VASH1: variants seen among roughly 807,000 people sequenced by gnomAD.
The protein encoded by VASH1 is tubulinyl-Tyr carboxypeptidase 1.
A neutral mutation model predicts 35.0 loss-of-function variants in VASH1; 16 were observed. The ratio of observed to expected loss-of-function variants is 0.46; its 90% CI spans 0.31 to 0.70. The LOEUF (loss-of-function observed/expected upper bound fraction) is 0.70, where lower values mean the gene tolerates loss of function less well. Ranked by LOEUF, VASH1 falls within the 30% of genes least tolerant of loss-of-function variation. VASH1 has a pLI of 0.05. For synonymous variants in VASH1, 214 were observed against 200.9 expected (o/e 1.07, Z -0.55); for missense variants, 505 against 510.7 (o/e 0.99, Z 0.11).
Position 76,763,106 on chromosome 14 carries a change from C to A in VASH1, c.285C>A (p.Ile95=). Residue 95 remains isoleucine (I), a synonymous_variant, in exon 1 of 7, where the codon ATC becomes ATA. Transcript: ENST00000167106. ...HPDGEKVAQR[I]RGATDLPKIP... is the part of the protein sequence containing the mutation. Reference sequence around the variant, plus strand: ...ATGGAGAGAAGGTGGCGCAACGGATCCGTGGGGCCACAGACCTGCCCAAGG... The same window carrying A: ...ATGGAGAGAAGGTGGCGCAACGGATACGTGGGGCCACAGACCTGCCCAAGG... The A allele has an allele frequency of 6.7e-7, 1 of 1,492,674 alleles. No homozygotes were observed. Among genetic ancestry groups the A allele is most frequent in the Non-Finnish European group, 9.0e-7 (1 of 1,114,764 alleles). 92.5% of individuals were successfully genotyped at this position (1,492,674 alleles called of 1,614,324 possible). A position where few individuals can be genotyped will look rare whatever the true frequency, so the allele number is the denominator to read the frequency against.
chr14:76,766,214 GCAA>G (rs1445142319), intron 1 of VASH1, among the ~76,000 whole-genome samples: 1 of 152,132 alleles, frequency 6.6e-6, no homozygotes, highest in Non-Finnish European at 1.5e-5. Context: ...ATGTTATAGG[GCAA>G]CAATTTCTAG....
In VASH1 at chr14:76,762,796, C is replaced by T; in HGVS notation, c.-26C>T. 1 of 1,445,998 alleles carries T rather than the reference C, an allele frequency of 6.9e-7. No individual in the cohort carries two copies. Among genetic ancestry groups the T allele is most frequent in the Non-Finnish European group, 9.1e-7 (1 of 1,097,702 alleles). The allele number at this position is 1,445,998 out of a possible 1,614,324, so 89.6% of individuals were successfully genotyped here. ...TTGTGAGCCAGTTGTTTTCCCGCCT[C>T]CACCACCCCCCTCGAAGATTTAGGG... On this transcript the variant is annotated 5_prime_UTR_variant, in exon 1 of 7. Transcript: ENST00000167106.
intron 2 of VASH1, among the ~76,000 whole-genome samples, chr14:76,770,482 C>T (rs1893763294): frequency 1.3e-5 from 2 of 152,226 alleles, no homozygotes; most frequent in South Asian, 4.1e-4. Context: ...AAAGGATTTT[C>T]TGCTCCAGGA....
chr14:76,766,766 C>G (rs765574308), intron 1 of VASH1, among the ~76,000 whole-genome samples: 2 of 152,138 alleles, frequency 1.3e-5, no homozygotes, highest in African/African-American at 4.8e-5. Context: ...AAAAGGGTAA[C>G]GTTGCTGGGA....
chr14:76,776,480 A>G (rs561208964), intron 5 of VASH1, among the ~76,000 whole-genome samples: 70 of 152,038 alleles, frequency 4.6e-4, no homozygotes, highest in Non-Finnish European at 7.9e-4. Context: ...CTGGGTTTGG[A>G]TGGTGGTAGG....
At chr14:76,776,527 C>T (rs1039330344) in intron 5 of VASH1, among the ~76,000 whole-genome samples, 8 of 152,086 alleles carry the variant, frequency 5.3e-5, no homozygotes, top group African/African-American at 1.4e-4. Flanking sequence ...TGGAGAATCA[C>T]GGCCTGTCTG....
intron 1 of VASH1, among the ~76,000 whole-genome samples, chr14:76,764,870 G>A (rs1204897541): frequency 6.6e-6 from 1 of 152,010 alleles, no homozygotes; most frequent in African/African-American, 2.4e-5. Flanking sequence ...ATTTTTGGTA[G>A]AGATGGGGTT....
intron 2 of VASH1, 74 bp downstream of exon 2, chr14:76,770,125 G>C: frequency 7.0e-7 from 1 of 1,433,684 alleles, no homozygotes; most frequent in Non-Finnish European, 9.7e-7. Context: ...CAGAGCTGGA[G>C]AGGTATCAGC....
intron 1 of VASH1, among the ~76,000 whole-genome samples, chr14:76,768,731 T>C (rs1893709893): frequency 6.6e-6 from 1 of 152,122 alleles, no homozygotes; most frequent in Non-Finnish European, 1.5e-5. Flanking sequence ...CTTCCCTCCT[T>C]ACCCAGCCCT....
At position 76,762,864 on chromosome 14, in the gene VASH1, G is replaced by A; in HGVS notation, c.43G>A (p.Ala15Thr). Residue 15 changes from alanine (A) to threonine (T), a missense_variant, in exon 1 of 7, where the codon GCC (alanine) becomes ACC (threonine). Ala to Thr is a moderately conservative substitution (Grantham distance 58, BLOSUM62 0). Coordinates refer to ENST00000167106, the MANE Select transcript of VASH1 (RefSeq NM_014909.5). ...GGTGGCTGGGGGTGGCAGCAGCGGT[G>A]CCACTCCAACGTCCGCTGCGGCCAC... Reference protein sequence around the residue: ...KKVAGGGSSGATPTSAAATAP... With the variant: ...KKVAGGGSSGTTPTSAAATAP... 1 of 1,535,330 alleles carries A rather than the reference G, an allele frequency of 6.5e-7. No homozygotes were observed. Among genetic ancestry groups the A allele is most frequent in the Non-Finnish European group, 8.8e-7 (1 of 1,140,422 alleles).
chr14:76,776,267 G>C lies in VASH1; in HGVS notation c.906G>C (p.Arg302=), dbSNP rs1433240710. The C allele has an allele frequency of 6.3e-7, 1 of 1,589,452 alleles. No homozygotes were observed. Among genetic ancestry groups the C allele is most frequent in the Non-Finnish European group, 8.5e-7 (1 of 1,171,164 alleles). The change falls in exon 5 of 7, where the codon CGG becomes CGC. Residue 302 remains arginine, a synonymous_variant. Transcript: ENST00000167106. ...TGGAGCGCCACGCCCGCGACATGCG[G>C]CTCAAGGTCTGCCCGCCTTCCACGC... ...KELERHARDM[R]LKIGKGTGPP...
chr14:76,777,914 A>G, intron 5 of VASH1, 45 bp from the exon 6 acceptor site: 1 of 1,374,324 alleles, frequency 7.3e-7, no homozygotes, highest in Non-Finnish European at 9.5e-7. Flanking sequence ...GTTGGGCTCC[A>G]GGGCAGTCCT....
At chr14:76,778,917 C>T (rs377257508) in intron 6 of VASH1, 29 bp from the exon 7 acceptor site, 329 of 1,611,574 alleles carry the variant, frequency 2.0e-4, no homozygotes, top group Non-Finnish European at 2.7e-4. Flanking sequence ...CACTCACTCT[C>T]CTCCCGCTCT....
chr14:76,774,812 T>A (rs929083978), intron 4 of VASH1: 4 of 152,318 alleles, frequency 2.6e-5, no homozygotes, highest in African/African-American at 9.7e-5. Flanking sequence ...AACACAGACT[T>A]TGGGGTCAGG....
chr14:76,765,000 A>G (rs1595267027), intron 1 of VASH1, among the ~76,000 whole-genome samples: 1 of 152,120 alleles, frequency 6.6e-6, no homozygotes, highest in African/African-American at 2.4e-5. Flanking sequence ...CCAGACATCC[A>G]TCACCTTTAC....
chr14:76,762,426 C>T lies in VASH1; in HGVS notation c.-396C>T, dbSNP rs1893528071. 6.1e-6 allele frequency: 1 copy of T among 162,650 alleles called. No homozygotes were observed. Among genetic ancestry groups the T allele is most frequent in the African/African-American group, 2.4e-5 (1 of 41,954 alleles). The allele number at this position is 162,650 out of a possible 1,614,324, so 10.1% of individuals were successfully genotyped here. A position where few individuals can be genotyped will look rare whatever the true frequency, so the allele number is the denominator to read the frequency against. On this transcript the variant is annotated 5_prime_UTR_variant, in exon 1 of 7. Transcript: ENST00000167106. The stretch of plus-strand genomic sequence containing the variant: ...GTGGGCACCCGTGCCTTGACTCTGT[C>T]CTTTCTGCAGCCGCTGGTCCGAGCT...
intron 5 of VASH1, among the ~76,000 whole-genome samples, 178 bp from the exon 6 acceptor site, chr14:76,777,781 T>C (rs1893984354): frequency 6.6e-6 from 1 of 152,214 alleles, no homozygotes; most frequent in Non-Finnish European, 1.5e-5. Flanking sequence ...GAACTCCTGC[T>C]CTGGCAGCTT....
chr14:76,779,453 G>A lies in VASH1; in HGVS notation c.*435G>A, dbSNP rs1451826127. 9 of 701,630 alleles carry A rather than the reference G, an allele frequency of 1.3e-5. No homozygotes were observed. The highest frequency in any genetic ancestry group is 1.7e-5 in the African/African-American group (1 of 57,178). The allele number at this position is 701,630 out of a possible 1,614,324, so 43.5% of individuals were successfully genotyped here. On this transcript the variant is annotated 3_prime_UTR_variant, in exon 7 of 7. Coordinates refer to ENST00000167106, the MANE Select transcript of VASH1 (RefSeq NM_014909.5). ...CCCAGCCTTACCAGGCCTGTGATGG[G>A]GGGTGGGGGTGGGGTGGAGATGTTT...
intron 3 of VASH1, among the ~76,000 whole-genome samples, chr14:76,772,517 G>A (rs181350621): frequency 9.2e-5 from 14 of 152,318 alleles, no homozygotes; most frequent in African/African-American, 2.9e-4. Flanking sequence ...CAGTGACCAG[G>A]CTGAATTCCC....
Sources: allele counts gnomAD v4.1 joint callset (sites outside exome capture counted in the v4.1 genomes callset), GRCh38; gene constraint gnomAD v4.1.1; transcripts MANE v1.5; gene names NCBI Gene and HGNC (gene_info 2026-07-23, HGNC 2026-07-21).